Variants in PSMB2 observed in about 807,000 individuals in gnomAD.
PSMB2 encodes proteasome 20S subunit beta 2.
A neutral mutation model predicts 25.7 loss-of-function variants in PSMB2; 13 were observed. The observed-to-expected ratio is 0.51, with a 90% CI of 0.33 to 0.80. PSMB2 has a LOEUF of 0.80. Ranked by LOEUF, PSMB2 falls within the 30% of genes least tolerant of loss-of-function variation. The pLI is 0.02. For missense variants in PSMB2, 202 were observed against 259.0 expected (o/e 0.78, Z 1.51); for synonymous variants, 87 against 96.2 (o/e 0.90, Z 0.56).
intron 3 of PSMB2, 109 bp from the exon 4 acceptor site, chr1:35,609,517 C>G: frequency 9.8e-7 from 1 of 1,020,292 alleles, no homozygotes; most frequent in Non-Finnish European, 1.4e-6. Context: ...ATATTAGCAG[C>G]AACTGAGTAA....
intron 3 of PSMB2, among the ~76,000 whole-genome samples, chr1:35,626,237 AAAC>A (rs1207790793): frequency 6.6e-6 from 1 of 152,226 alleles, no homozygotes; most frequent in Non-Finnish European, 1.5e-5. Context: ...GCATTTAAAT[AAAC>A]AACTAAACTG....
chr1:35,634,057 G>C (rs965052219), intron 2 of PSMB2, among the ~76,000 whole-genome samples: 2 of 152,194 alleles, frequency 1.3e-5, no homozygotes, highest in Non-Finnish European at 2.9e-5. Flanking sequence ...AGTATCGTTT[G>C]CTAGGGAGGT....
Position 35,600,254 on chromosome 1 carries a change from C to A in PSMB2, c.*3013G>T, listed in dbSNP as rs1649951224. 8 of 985,096 alleles carry A rather than the reference C, an allele frequency of 8.1e-6. No individual in the cohort carries two copies. In the South Asian group the frequency reaches 3.3e-4, roughly 41 times the overall value. The allele number at this position is 985,096 out of a possible 1,614,324, so 61.0% of individuals were successfully genotyped here. On this transcript the variant is annotated 3_prime_UTR_variant, in exon 6 of 6. Coordinates refer to ENST00000373237, the MANE Select transcript of PSMB2 (RefSeq NM_002794.5). The stretch of plus-strand genomic sequence containing the variant: ...GATAAAGAATGGCATAAAAATGATG[C>A]CCAGCTAAATGCAATGTTGTATCTT...
chr1:35,624,831 G>C (rs1328409413), intron 3 of PSMB2, among the ~76,000 whole-genome samples: 2 of 151,934 alleles, frequency 1.3e-5, no homozygotes, highest in African/African-American at 4.8e-5. Context: ...GGGAGGCCGA[G>C]GCGGGTGGAT....
chr1:35,640,972 C>T (rs998847238), intron 1 of PSMB2, among the ~76,000 whole-genome samples: 11 of 152,088 alleles, frequency 7.2e-5, no homozygotes, highest in Non-Finnish European at 1.5e-4. Context: ...GGGCGGATCT[C>T]CTGAGGTCGG....
In PSMB2 at chr1:35,602,928, A is replaced by G; in HGVS notation, c.*339T>C. 2 of 1,027,632 alleles carry G rather than the reference A, an allele frequency of 1.9e-6. No individual in the cohort carries two copies. Among genetic ancestry groups the G allele is most frequent in the African/African-American group, 3.4e-5 (2 of 58,324 alleles). 63.7% of individuals were successfully genotyped at this position (1,027,632 alleles called of 1,614,324 possible). ...AAAAAGAACCACTACTTTAGAGAGAATGGAGATACTAGCAAGTAAAATATA... is the reference window on the plus strand; with the variant it reads ...AAAAAGAACCACTACTTTAGAGAGAGTGGAGATACTAGCAAGTAAAATATA... On this transcript the variant is annotated 3_prime_UTR_variant, in exon 6 of 6. Coordinates refer to ENST00000373237, the MANE Select transcript of PSMB2 (RefSeq NM_002794.5).
intron 5 of PSMB2, among the ~76,000 whole-genome samples, chr1:35,604,673 C>T (rs187516811): frequency 6.6e-6 from 1 of 152,248 alleles, no homozygotes; most frequent in Non-Finnish European, 1.5e-5. Context: ...CCCAGCTACT[C>T]GGGAGGCTAA....
chr1:35,628,597 ATATATATATAT>A (rs1402712305), intron 3 of PSMB2, among the ~76,000 whole-genome samples: 71 of 21,564 alleles, frequency 3.3e-3, no homozygotes, highest in African/African-American at 6.9e-3. Flanking sequence ...AAAAAAAAAA[ATATATATATAT>A]ATATATATAT....
intron 1 of PSMB2, among the ~76,000 whole-genome samples, chr1:35,640,012 G>T (rs1486868524): frequency 6.6e-6 from 1 of 151,506 alleles, no homozygotes; most frequent in African/African-American, 2.4e-5. Context: ...GCAGAACCTG[G>T]GTTCAACCTA....
At position 35,600,614 on chromosome 1, in the gene PSMB2, C is replaced by T; in HGVS notation, c.*2653G>A. ...GTCATAGAGGCGGTTTGGAGAGGGG[C>T]AGATGGTAAGGCTCAGCTTTAGACA... On this transcript the variant is annotated 3_prime_UTR_variant, in exon 6 of 6. Transcript: ENST00000373237. The T allele has an allele frequency of 3.0e-6, 3 of 985,356 alleles. No homozygotes were observed. Among genetic ancestry groups the T allele is most frequent in the Non-Finnish European group, 3.6e-6 (3 of 829,902 alleles). 61.0% of individuals were successfully genotyped at this position (985,356 alleles called of 1,614,324 possible). A position where few individuals can be genotyped will look rare whatever the true frequency, so the allele number is the denominator to read the frequency against.
At chr1:35,635,737 G>A (rs976793115) in intron 2 of PSMB2, among the ~76,000 whole-genome samples, 1 of 149,630 alleles carries the variant, frequency 6.7e-6, no homozygotes, top group African/African-American at 2.5e-5. Context: ...GCTGAGACAG[G>A]AGAATCGCTT....
intron 3 of PSMB2, among the ~76,000 whole-genome samples, chr1:35,613,440 G>A (rs1177670209): frequency 6.6e-6 from 1 of 151,262 alleles, no homozygotes; most frequent in Non-Finnish European, 1.5e-5. Context: ...GGATCCTTAA[G>A]CCCCGGCATA....
Position 35,601,693 on chromosome 1 carries a change from G to C in PSMB2, c.*1574C>G. The C allele has an allele frequency of 1.0e-6, 1 of 985,384 alleles. No homozygotes were observed. The highest frequency in any genetic ancestry group is 1.2e-6 in the Non-Finnish European group (1 of 829,920). The allele number at this position is 985,384 out of a possible 1,614,324, so 61.0% of individuals were successfully genotyped here. On this transcript the variant is annotated 3_prime_UTR_variant, in exon 6 of 6. Transcript: ENST00000373237. ...AACCTATCTGTATATGATATTAAGA[G>C]GAGCACAGAATTGGATAAAGTAGGG...
At chr1:35,630,749 C>T (rs1210981117) in intron 3 of PSMB2, among the ~76,000 whole-genome samples, 1 of 152,146 alleles carries the variant, frequency 6.6e-6, no homozygotes, top group Non-Finnish European at 1.5e-5. Context: ...ACTCTGTATC[C>T]TGTAATGGTA....
chr1:35,612,414 C>T (rs1650369232), intron 3 of PSMB2, among the ~76,000 whole-genome samples: 1 of 151,914 alleles, frequency 6.6e-6, no homozygotes, highest in African/African-American at 2.4e-5. Context: ...AAGATGCTAC[C>T]AAAATTCCTA....
At chr1:35,617,733 T>C (rs1014247541) in intron 3 of PSMB2, among the ~76,000 whole-genome samples, 2 of 152,216 alleles carry the variant, frequency 1.3e-5, no homozygotes, top group African/African-American at 2.4e-5. Context: ...GTCTGGATAC[T>C]GGTGAACATG....
At chr1:35,628,608 T>A (rs1439255642) in intron 3 of PSMB2, among the ~76,000 whole-genome samples, 1,069 of 27,360 alleles carry the variant, frequency 0.039, 18 homozygotes, top group East Asian at 0.064. Flanking sequence ...TATATATATA[T>A]ATATATATAT....
At chr1:35,604,270 C>A (rs371100942) in intron 5 of PSMB2, among the ~76,000 whole-genome samples, 20 of 152,318 alleles carry the variant, frequency 1.3e-4, no homozygotes, top group African/African-American at 4.8e-4. Flanking sequence ...AAGCCTTAGA[C>A]TCTAAGGAGT....
intron 3 of PSMB2, among the ~76,000 whole-genome samples, chr1:35,629,507 A>G (rs886618638): frequency 6.6e-6 from 1 of 152,240 alleles, no homozygotes; most frequent in Non-Finnish European, 1.5e-5. Context: ...AAGTCATAGA[A>G]AAACACAGGT....
Sources: gnomAD v4.1 joint callset for allele counts (sites outside exome capture counted in the v4.1 genomes callset) on GRCh38, gnomAD v4.1.1 for gene constraint, MANE v1.5 for transcripts, NCBI Gene and HGNC (gene_info 2026-07-23, HGNC 2026-07-21) for gene names.